CDH4: variants seen among roughly 807,000 people sequenced by gnomAD.
The protein encoded by CDH4 is cadherin-4.
CDH4 carries 33 observed loss-of-function variants against 86.0 expected under a neutral mutation model. The observed-to-expected ratio is 0.38, with a 90% CI of 0.29 to 0.51. The LOEUF (loss-of-function observed/expected upper bound fraction) is 0.51. Ranked by LOEUF, CDH4 falls within the 20% of genes least tolerant of loss-of-function variation. CDH4 has a pLI of 0.86. For missense variants in CDH4, 1,114 were observed against 1,307.4 expected, an observed-to-expected ratio of 0.85 and a Z score of 2.28; for synonymous variants, 555 against 549.4, an observed-to-expected ratio of 1.01 and a Z score of -0.14.
intron 2 of CDH4, among the ~76,000 whole-genome samples, chr20:61,643,040 C>T (rs1204170142): frequency 6.6e-6 from 1 of 152,188 alleles, no homozygotes; most frequent in South Asian, 2.1e-4. Context: ...AGTCCATTTT[C>T]AGTTGCTACA....
At chr20:61,358,255 C>T (rs373122811) in intron 2 of CDH4, among the ~76,000 whole-genome samples, 2 of 152,152 alleles carry the variant, frequency 1.3e-5, no homozygotes, top group South Asian at 2.1e-4. Context: ...CTCCCTCAGC[C>T]GACCCACTGT....
intron 6 of CDH4, among the ~76,000 whole-genome samples, chr20:61,861,161 C>T (rs768307681): frequency 4.6e-5 from 7 of 152,202 alleles, no homozygotes; most frequent in African/African-American, 7.2e-5. Context: ...TCTCCACCGA[C>T]GATCCCTGCT....
At chr20:61,804,014 GT>G (rs1979983150) in intron 4 of CDH4, among the ~76,000 whole-genome samples, 1 of 152,250 alleles carries the variant, frequency 6.6e-6, no homozygotes, top group Non-Finnish European at 1.5e-5. Flanking sequence ...TGTCAAGGAA[GT>G]TGCCAAACTC....
intron 2 of CDH4, among the ~76,000 whole-genome samples, chr20:61,565,671 A>G (rs117683438): frequency 6.6e-6 from 1 of 152,148 alleles, no homozygotes; most frequent in Non-Finnish European, 1.5e-5. Context: ...ACAGACCCCT[A>G]CCCAAAATGA....
At chr20:61,778,165 A>T (rs548999692) in intron 4 of CDH4, among the ~76,000 whole-genome samples, 1 of 151,982 alleles carries the variant, frequency 6.6e-6, no homozygotes, top group African/African-American at 2.4e-5. Flanking sequence ...CCCCATTTCC[A>T]TCTATAGGAA....
chr20:61,772,556 C>A (rs2088786942), intron 3 of CDH4, among the ~76,000 whole-genome samples: 1 of 152,098 alleles, frequency 6.6e-6, no homozygotes, highest in Non-Finnish European at 1.5e-5. Context: ...TGACTATTAA[C>A]CTTGTGTCAA....
rs1401376551 is a variant in CDH4, at chr20:61,744,703, G to A, written c.396+914G>A. On this transcript the variant is annotated intron_variant, in intron 3 of 15. Coordinates refer to ENST00000614565, the MANE Select transcript of CDH4 (RefSeq NM_001794.5). ...ACCCGGCTGCCTGGCTCACCCGGGTGACAGGGAGGGGCGCCTTCACCATGC... is the reference window on the plus strand; with the variant it reads ...ACCCGGCTGCCTGGCTCACCCGGGTAACAGGGAGGGGCGCCTTCACCATGC... Among the ~76,000 whole-genome samples, 3 of 152,190 alleles carry A rather than the reference G, an allele frequency of 2.0e-5. No homozygotes were observed. The East Asian group carries it at 5.8e-4, about 29-fold the overall frequency.
rs541568532 is a variant in CDH4 at position 61,563,207 on chromosome 20, C to T, written c.170-180356C>T. ...CAGGCTTGGCACTGCCCAGCGGCAG[C>T]TCTGCTCTTAGCTCTGGAGTCCCCT... On this transcript the variant is annotated intron_variant, in intron 2 of 15. Coordinates refer to ENST00000614565, the MANE Select transcript of CDH4 (RefSeq NM_001794.5). Among the ~76,000 whole-genome samples the T allele has an allele frequency of 7.2e-5, 11 of 152,390 alleles. No individual in the cohort carries two copies. In the East Asian group the frequency reaches 2.1e-3, roughly 29 times the overall value.
chr20:61,581,579 G>A (rs1397815784), intron 2 of CDH4, among the ~76,000 whole-genome samples: 1 of 151,958 alleles, frequency 6.6e-6, no homozygotes, highest in East Asian at 1.9e-4. Flanking sequence ...GCCTCTTCCG[G>A]TCTGTGTGCT....
intron 2 of CDH4, among the ~76,000 whole-genome samples, chr20:61,724,134 G>A (rs2088081909): frequency 1.3e-5 from 2 of 151,606 alleles, no homozygotes; most frequent in South Asian, 2.1e-4. Context: ...GTGGCAGGGG[G>A]GTGGGTCCCC....
chr20:61,321,258 TAG>T lies in CDH4; in HGVS notation c.169+66324_169+66325del, dbSNP rs1378012842. ...AACAGTTAATTTCCTGGGAAATGAA[TAG>T]AGTCTTCTCATTGATCTAGGGAAGA... On this transcript the variant is annotated intron_variant, in intron 2 of 15. Coordinates refer to ENST00000614565, the MANE Select transcript of CDH4 (RefSeq NM_001794.5). Among the ~76,000 whole-genome samples the T allele has an allele frequency of 6.6e-5, 10 of 152,302 alleles. No individual in the cohort carries two copies. In the South Asian group the frequency reaches 1.9e-3, roughly 28 times the overall value.
chr20:61,528,353 G>A (rs1291035384), intron 2 of CDH4, among the ~76,000 whole-genome samples: 2 of 144,426 alleles, frequency 1.4e-5, no homozygotes, highest in East Asian at 4.0e-4. Context: ...CTCCAGCCCG[G>A]GTGAAAGAGC....
At chr20:61,330,913 C>T (rs566572360) in intron 2 of CDH4, among the ~76,000 whole-genome samples, 1 of 152,240 alleles carries the variant, frequency 6.6e-6, no homozygotes, top group East Asian at 1.9e-4. Context: ...TCATAAAATC[C>T]TCCTCCCCTG....
chr20:61,358,849 T>TCC (rs2084768225), intron 2 of CDH4, among the ~76,000 whole-genome samples: 1 of 152,118 alleles, frequency 6.6e-6, no homozygotes, highest in Non-Finnish European at 1.5e-5. Context: ...AACCGTTCCC[T>TCC]CTACAGGGAG....
At chr20:61,460,716 C>G (rs946949764) in intron 2 of CDH4, among the ~76,000 whole-genome samples, 1 of 152,172 alleles carries the variant, frequency 6.6e-6, no homozygotes, top group African/African-American at 2.4e-5. Context: ...GCTGGCTGTT[C>G]TGCAGAGAAG....
intron 3 of CDH4, among the ~76,000 whole-genome samples, chr20:61,763,602 A>G (rs1175539121): frequency 1.3e-5 from 2 of 152,160 alleles, no homozygotes; most frequent in Non-Finnish European, 2.9e-5. Context: ...ATAGTTGATC[A>G]CCATTCACCT....
rs1291697803 is a variant in CDH4 at position 61,811,735 on chromosome 20, G to A, written c.577-32933G>A. ...CCCCCAGGCTGGAGTGCAGTGCCAC[G>A]ATCTCCACTCACTGCAACCTCTGCC... On this transcript the variant is annotated intron_variant, in intron 4 of 15. Coordinates refer to ENST00000614565, the MANE Select transcript of CDH4 (RefSeq NM_001794.5). The surrounding 1 kb of genome is among the most constrained non-coding windows in gnomAD (Gnocchi z 4.4). Among the ~76,000 whole-genome samples the A allele has an allele frequency of 1.4e-5, 2 of 144,944 alleles. No homozygotes were observed. Among genetic ancestry groups the A allele is most frequent in the African/African-American group, 2.6e-5 (1 of 38,954 alleles).
At chr20:61,898,156 T>A (rs1022769280) in intron 8 of CDH4, among the ~76,000 whole-genome samples, 1 of 152,154 alleles carries the variant, frequency 6.6e-6, no homozygotes, top group Non-Finnish European at 1.5e-5. Context: ...TGCCTCACCG[T>A]GGGACGGAGC....
chr20:61,279,482 AG>A (rs1289906950), intron 2 of CDH4, among the ~76,000 whole-genome samples: 3 of 151,830 alleles, frequency 2.0e-5, no homozygotes, highest in African/African-American at 4.8e-5. Flanking sequence ...CAAGAGGCTC[AG>A]CTCCTAGGGG....
Sources: allele counts gnomAD v4.1 joint callset (sites outside exome capture counted in the v4.1 genomes callset), GRCh38; gene constraint gnomAD v4.1.1; non-coding constraint Gnocchi (gnomAD v3.1); transcripts MANE v1.5; gene names NCBI Gene and HGNC (gene_info 2026-07-23, HGNC 2026-07-21).